NDRG3: variants seen among roughly 807,000 people sequenced by gnomAD.
NDRG3 encodes the protein protein NDRG3.
Under a neutral mutation model 57.2 loss-of-function variants are expected in NDRG3, and 23 were observed. That is an observed-to-expected ratio of 0.40 (90% CI 0.29 to 0.57). The LOEUF (loss-of-function observed/expected upper bound fraction) is 0.57. NDRG3 is among the 20% of genes least tolerant of loss of function. NDRG3 has a pLI of 0.42. For missense variants in NDRG3, 384 were observed against 457.3 expected (o/e 0.84, Z 1.46); for synonymous variants, 132 against 162.6 (o/e 0.81, Z 1.43).
Position 36,728,475 on chromosome 20 carries a change from C to G in NDRG3, c.-48-6692G>C, listed in dbSNP as rs1985078823. 2.6e-5 allele frequency among the ~76,000 whole-genome samples: 4 copies of G among 152,146 alleles called. 1 individual carries two copies. The South Asian group carries it at 8.3e-4, about 32-fold the overall frequency. Reference sequence around the variant, plus strand: ...AAGTGACAAAGGACAGATGGATAGACAGATGGATAGATAGATGGATGGATG... The same window carrying G: ...AAGTGACAAAGGACAGATGGATAGAGAGATGGATAGATAGATGGATGGATG... On this transcript the variant is annotated intron_variant, in intron 1 of 15. Coordinates refer to ENST00000349004, the MANE Select transcript of NDRG3 (RefSeq NM_032013.4).
At chr20:36,739,646 G>A (rs1985818706) in intron 1 of NDRG3, among the ~76,000 whole-genome samples, 2 of 151,678 alleles carry the variant, frequency 1.3e-5, no homozygotes, top group Admixed American at 1.3e-4. Context: ...TCTCGGCCGG[G>A]CGCCGGTGGC....
intron 6 of NDRG3, among the ~76,000 whole-genome samples, chr20:36,684,175 A>G (rs1981576324): frequency 6.6e-6 from 1 of 152,112 alleles, no homozygotes; most frequent in Admixed American, 6.5e-5. Flanking sequence ...ACCTTCCTAG[A>G]GAGGAATTCC....
intron 2 of NDRG3, among the ~76,000 whole-genome samples, chr20:36,714,691 G>A (rs1157757711): frequency 2.0e-5 from 3 of 151,096 alleles, no homozygotes; most frequent in African/African-American, 7.3e-5. Context: ...TCGGCTTATT[G>A]TAAGCTCCAC....
chr20:36,743,812 C>CGGA (rs1673654541), intron 1 of NDRG3, among the ~76,000 whole-genome samples: 1 of 150,864 alleles, frequency 6.6e-6, no homozygotes, highest in African/African-American at 2.4e-5. Flanking sequence ...AGCGAGACTC[C>CGGA]GTCTCAAAAA....
At chr20:36,677,436 A>G (rs916693906) in intron 8 of NDRG3, among the ~76,000 whole-genome samples, 13 of 152,202 alleles carry the variant, frequency 8.5e-5, no homozygotes, top group African/African-American at 2.9e-4. Context: ...CCATGGGCCA[A>G]TCAGCATGCA....
chr20:36,681,650 A>G (rs973632892), intron 7 of NDRG3, among the ~76,000 whole-genome samples: 5 of 151,684 alleles, frequency 3.3e-5, no homozygotes, highest in African/African-American at 7.3e-5. Flanking sequence ...AAAAAAAAAA[A>G]AAAAATTTAT....
intron 5 of NDRG3, among the ~76,000 whole-genome samples, chr20:36,686,982 G>A (rs1290104706): frequency 6.6e-6 from 1 of 151,942 alleles, no homozygotes; most frequent in African/African-American, 2.4e-5. Context: ...AGCCTCCCAA[G>A]CAGACACGAC....
At chr20:36,689,270 T>C (rs1028935580) in intron 3 of NDRG3, among the ~76,000 whole-genome samples, 4 of 152,174 alleles carry the variant, frequency 2.6e-5, no homozygotes, top group African/African-American at 9.6e-5. Flanking sequence ...TTCCAATTCT[T>C]CCAGAAAAAT....
At chr20:36,691,626 T>C (rs940455895) in intron 3 of NDRG3, among the ~76,000 whole-genome samples, 5 of 152,094 alleles carry the variant, frequency 3.3e-5, no homozygotes, top group Admixed American at 2.6e-4. Context: ...GGCAGAAGAA[T>C]TGCTTGAACC....
At chr20:36,674,188 C>A (rs913824823) in intron 8 of NDRG3, among the ~76,000 whole-genome samples, 5 of 152,098 alleles carry the variant, frequency 3.3e-5, no homozygotes, top group African/African-American at 1.2e-4. Context: ...AATTTATTAT[C>A]CATCTCTTTA....
At chr20:36,671,801 CA>C (rs1182073175) in intron 8 of NDRG3, among the ~76,000 whole-genome samples, 527 of 57,520 alleles carry the variant, frequency 9.2e-3, no homozygotes, top group South Asian at 0.013. Flanking sequence ...GACTCCGTCT[CA>C]AAAAAAAAAA....
At chr20:36,737,328 C>G (rs888879858) in intron 1 of NDRG3, among the ~76,000 whole-genome samples, 5 of 152,070 alleles carry the variant, frequency 3.3e-5, no homozygotes, top group African/African-American at 1.2e-4. Flanking sequence ...ACCAGCAAAG[C>G]CCTGGGGTGT....
chr20:36,739,319 G>A (rs888705841), intron 1 of NDRG3, among the ~76,000 whole-genome samples: 1 of 150,360 alleles, frequency 6.7e-6, no homozygotes, highest in African/African-American at 2.4e-5. Context: ...TGGTGGCATG[G>A]GCCTGTAATC....
intron 1 of NDRG3, among the ~76,000 whole-genome samples, chr20:36,732,011 C>T (rs1445353866): frequency 6.6e-6 from 1 of 151,948 alleles, no homozygotes; most frequent in East Asian, 1.9e-4. Flanking sequence ...GTATCAGCCA[C>T]TCAGGAGGCT....
intron 12 of NDRG3, among the ~76,000 whole-genome samples, 188 bp from the exon 13 acceptor site, chr20:36,660,572 T>TTTATTTATTTATTTA (rs1568622567): frequency 9.6e-4 from 142 of 147,726 alleles, no homozygotes; most frequent in African/African-American, 3.3e-3. Context: ...TTATTTATTT[T>TTTATTTATTTATTTA]TTTTTTGAGA....
intron 4 of NDRG3, among the ~76,000 whole-genome samples, chr20:36,687,878 C>A (rs929834814): frequency 6.6e-6 from 1 of 152,102 alleles, no homozygotes; most frequent in Non-Finnish European, 1.5e-5. Context: ...TGGTGGTTTC[C>A]GATTATTGCA....
rs561918861 is a variant in NDRG3 at position 36,656,478 on chromosome 20, T to TA, written c.894+18dup. On this transcript the variant is annotated intron_variant, in intron 14 of 15. Coordinates refer to ENST00000349004, the MANE Select transcript of NDRG3 (RefSeq NM_032013.4). ...AGAGAAGCAGAATTAAATGGGTGTT[T>TA]AAAAAAAATTCTCCTTACCTGAACT... 5.1e-5 allele frequency: 83 copies of TA among 1,613,702 alleles called. No homozygotes were observed. Among genetic ancestry groups the TA allele is most frequent in the Non-Finnish European group, 5.9e-6 (7 of 1,179,902 alleles).
At chr20:36,667,194 C>A (rs1413635623) in intron 9 of NDRG3, among the ~76,000 whole-genome samples, 2 of 152,136 alleles carry the variant, frequency 1.3e-5, no homozygotes, top group Non-Finnish European at 2.9e-5. Flanking sequence ...TTTAATATTA[C>A]ACATTGTATA....
intron 1 of NDRG3, among the ~76,000 whole-genome samples, chr20:36,744,937 G>A (rs369141339): frequency 1.4e-5 from 2 of 144,758 alleles, no homozygotes; most frequent in East Asian, 2.1e-4. Context: ...AGGAAAGGAA[G>A]GCTAATAATA....
Sources: gnomAD v4.1 joint callset for allele counts (sites outside exome capture counted in the v4.1 genomes callset) on GRCh38, gnomAD v4.1.1 for gene constraint, MANE v1.5 for transcripts, NCBI Gene and HGNC (gene_info 2026-07-23, HGNC 2026-07-21) for gene names.